The following POLR2H variants were observed in gnomAD, a reference collection of about 807,000 sequenced individuals.
The protein encoded by POLR2H is RNA polymerase II, I and III subunit H.
POLR2H carries 3 observed loss-of-function variants against 18.1 expected under a neutral mutation model. The observed-to-expected ratio is 0.17, with a 90% CI of 0.08 to 0.43. The LOEUF (loss-of-function observed/expected upper bound fraction) is 0.43, where lower values mean the gene tolerates loss of function less well. Ranked by LOEUF, POLR2H falls within the 20% of genes least tolerant of loss-of-function variation. The pLI is 0.99. For missense variants in POLR2H, 103 were observed against 184.6 expected (o/e 0.56, Z 2.56); for synonymous variants, 76 against 69.0 (o/e 1.10, Z -0.50).
At chr3:184,367,533 C>A (rs1215278747) in intron 5 of POLR2H, among the ~76,000 whole-genome samples, 1 of 151,382 alleles carries the variant, frequency 6.6e-6, no homozygotes, top group African/African-American at 2.4e-5. Context: ...GTTGCCCAGC[C>A]TGGAGTGCAG....
intron 2 of POLR2H, among the ~76,000 whole-genome samples, chr3:184,364,060 A>G (rs554819197): frequency 7.5e-4 from 114 of 152,296 alleles, no homozygotes; most frequent in African/African-American, 2.7e-3. Context: ...CAAAAAAATG[A>G]CAGTCCTCAT....
In POLR2H at chr3:184,363,144, C is replaced by T. The variant is rs1342922398; in HGVS notation, c.-349C>T. The T allele has an allele frequency of 5.6e-6, 2 of 359,284 alleles. No homozygotes were observed. The highest frequency in any genetic ancestry group is 2.2e-5 in the African/African-American group (1 of 46,222). The allele number at this position is 359,284 out of a possible 1,614,324, so 22.3% of individuals were successfully genotyped here. ...CCCACGCATTCCAGTCTTCGGAACC[C>T]GGCCTCTGAAGAGGGCGCAGTAGGG... On this transcript the variant is annotated 5_prime_UTR_variant, in exon 2 of 6. Coordinates refer to ENST00000456318, the MANE Select transcript of POLR2H (RefSeq NM_006232.5).
chr3:184,365,514 A>G, intron 4 of POLR2H: 1 of 385,822 alleles, frequency 2.6e-6, no homozygotes, highest in African/African-American at 2.1e-5. Flanking sequence ...GAAGAGAGAA[A>G]AAAAAAAAAG....
Position 184,363,424 on chromosome 3 carries a change from A to G in POLR2H, c.-69A>G. ...GGTTCTCTCCGGTCTTGTCCACGCT[A>G]GGGGGTGCACGTACTCCCAACTGTG... On this transcript the variant is annotated 5_prime_UTR_variant, in exon 2 of 6. It removes the in-frame stop codon of an upstream open reading frame in the 5' UTR. Transcript: ENST00000456318. 4 of 1,297,438 alleles carry G rather than the reference A, an allele frequency of 3.1e-6. No homozygotes were observed. The highest frequency in any genetic ancestry group is 3.3e-6 in the Non-Finnish European group (3 of 896,790). The allele number at this position is 1,297,438 out of a possible 1,614,324, so 80.4% of individuals were successfully genotyped here. A position where few individuals can be genotyped will look rare whatever the true frequency, so the allele number is the denominator to read the frequency against.
At chr3:184,366,589 T>G (rs565300687) in intron 4 of POLR2H, 128 bp from the exon 5 acceptor site, 1 of 576,622 alleles carries the variant, frequency 1.7e-6, no homozygotes, top group African/African-American at 1.9e-5. Context: ...CTGCCCGCCT[T>G]GGCCTCCCAA....
chr3:184,367,748 C>T (rs1399145742), intron 5 of POLR2H, among the ~76,000 whole-genome samples: 1 of 152,110 alleles, frequency 6.6e-6, no homozygotes, highest in African/African-American at 2.4e-5. Flanking sequence ...CCTCAGCCTC[C>T]CAAAGTGCTG....
chr3:184,364,203 T>G (rs1436539771), intron 2 of POLR2H, among the ~76,000 whole-genome samples: 4 of 152,176 alleles, frequency 2.6e-5, no homozygotes, highest in African/African-American at 9.7e-5. Flanking sequence ...TGTGAAGTCT[T>G]CTTTGAGTTA....
chr3:184,367,092 TTGTGTGTG>T (rs10575340), intron 5 of POLR2H, among the ~76,000 whole-genome samples: 52,401 of 147,852 alleles, frequency 0.35, 9,981 homozygotes, highest in African/African-American at 0.5. Context: ...CTGTTAGGCT[TTGTGTGTG>T]TGTGTGTGTG....
Position 184,363,370 on chromosome 3 carries a change from T to C in POLR2H, c.-123T>C. On this transcript the variant is annotated 5_prime_UTR_variant, in exon 2 of 6. Coordinates refer to ENST00000456318, the MANE Select transcript of POLR2H (RefSeq NM_006232.5). ...TTTGTGCGCATGCGCCACTCTCGTC[T>C]GGCCGCCGCGCTTTCAGGAGGTGCT... The C allele has an allele frequency of 1.3e-6, 1 of 797,830 alleles. No individual in the cohort carries two copies. Among genetic ancestry groups the C allele is most frequent in the East Asian group, 2.6e-5 (1 of 38,648 alleles). 49.4% of individuals were successfully genotyped at this position (797,830 alleles called of 1,614,324 possible).
chr3:184,364,652 A>G (rs1238378779), intron 2 of POLR2H: 1 of 402,102 alleles, frequency 2.5e-6, no homozygotes, highest in East Asian at 4.6e-5. Flanking sequence ...CCCTCAGCAC[A>G]GTGCCTAGCA....
chr3:184,367,464 G>A (rs1178235308), intron 5 of POLR2H, among the ~76,000 whole-genome samples: 2 of 151,332 alleles, frequency 1.3e-5, no homozygotes, highest in East Asian at 1.9e-4. Flanking sequence ...CCCCATGTTA[G>A]TGTAAAGCTT....
chr3:184,366,552 A>G lies in POLR2H; in HGVS notation c.252-165A>G, dbSNP rs1713325547. ...ATGGGGTTTCACTGTGTTAGCCAGG[A>G]TGGTCTCGATCTCCTGACCTCGTGA... is the stretch of plus-strand genomic sequence containing the variant. On this transcript the variant is annotated intron_variant, in intron 4 of 5. Coordinates refer to ENST00000456318, the MANE Select transcript of POLR2H (RefSeq NM_006232.5). 4 of 481,360 alleles carry G rather than the reference A, an allele frequency of 8.3e-6. No homozygotes were observed. In the Admixed American group the frequency reaches 1.0e-4, roughly 12 times the overall value. 29.8% of individuals were successfully genotyped at this position (481,360 alleles called of 1,614,324 possible).
rs1712482190 is a variant in POLR2H at position 184,362,964 on chromosome 3, G to GGGGCCCA, written c.-529_-528insGGGCCCA. Reference sequence around the variant, plus strand: ...GCCCAGGCCGGCCCCGGGGTCCTCGGTGCCGGCTGGAGGGGCTGGGCACCT... The same window carrying GGGGCCCA: ...GCCCAGGCCGGCCCCGGGGTCCTCGGGGGCCCATGCCGGCTGGAGGGGCTGGGCACCT... On this transcript the variant is annotated 5_prime_UTR_variant, in exon 2 of 6. It adds an upstream start codon to the 5' untranslated region. Coordinates refer to ENST00000456318, the MANE Select transcript of POLR2H (RefSeq NM_006232.5). This position sits in a 1 kb window ranked among gnomAD's most constrained non-coding sequence, Gnocchi z 5.9. The GGGGCCCA allele has an allele frequency of 5.8e-6, 1 of 171,238 alleles. No homozygotes were observed. Among genetic ancestry groups the GGGGCCCA allele is most frequent in the African/African-American group, 2.4e-5 (1 of 41,480 alleles). The allele number at this position is 171,238 out of a possible 1,614,324, so 10.6% of individuals were successfully genotyped here. A position where few individuals can be genotyped will look rare whatever the true frequency, so the allele number is the denominator to read the frequency against.
Position 184,368,300 on chromosome 3 carries a change from G to A in POLR2H, c.*6G>A, listed in dbSNP as rs767223144. The A allele has an allele frequency of 7.6e-6, 12 of 1,573,742 alleles. No homozygotes were observed. The highest frequency in any genetic ancestry group is 3.6e-5 in the Admixed American group (2 of 55,778). ...TGAAGAAGCTAGCCTTCTGAACCTC[G>A]CCTGAAGCCAGCCTCTCTGCCAAGT... On this transcript the variant is annotated 3_prime_UTR_variant, in exon 6 of 6. Transcript: ENST00000456318.
At chr3:184,367,290 T>C (rs927619852) in intron 5 of POLR2H, among the ~76,000 whole-genome samples, 4 of 151,976 alleles carry the variant, frequency 2.6e-5, no homozygotes, top group Non-Finnish European at 5.9e-5. Flanking sequence ...TGCAGAAGAG[T>C]AATGTGAAGA....
chr3:184,366,752 T>C lies in POLR2H; in HGVS notation c.287T>C (p.Val96Ala). The C allele has an allele frequency of 6.2e-7, 1 of 1,607,910 alleles. No individual in the cohort carries two copies. Among genetic ancestry groups the C allele is most frequent in the Non-Finnish European group, 8.5e-7 (1 of 1,174,314 alleles). Reference protein sequence around the residue: ...DQFEYVMYGKVYRIEGDETST... With the variant: ...DQFEYVMYGKAYRIEGDETST... The stretch of plus-strand genomic sequence containing the variant: ...TTTGAGTATGTAATGTATGGAAAAG[T>C]GTACAGGATTGAGGGAGATGAAACT... The change falls in exon 5 of 6, where the codon GTG (valine) becomes GCG (alanine). Residue 96 changes from valine to alanine, a missense_variant. Coordinates refer to ENST00000456318, the MANE Select transcript of POLR2H (RefSeq NM_006232.5).
chr3:184,366,203 T>G (rs957998416), intron 4 of POLR2H, among the ~76,000 whole-genome samples: 2 of 152,052 alleles, frequency 1.3e-5, no homozygotes, highest in Non-Finnish European at 2.9e-5. Flanking sequence ...GTAACCTTAA[T>G]CTCCTTCAGC....
Position 184,365,512 on chromosome 3 carries a change from A to G in POLR2H, c.251+286A>G, listed in dbSNP as rs1304427349. On this transcript the variant is annotated intron_variant, in intron 4 of 5. Transcript: ENST00000456318. ...CTCACTGCTACAAAAAAGAAGAGAG[A>G]AAAAAAAAAAAGGCTGGGCATGGTG... The G allele has an allele frequency of 7.4e-5, 15 of 204,028 alleles. No homozygotes were observed. In the East Asian group the frequency reaches 1.2e-3, roughly 16 times the overall value. The allele number at this position is 204,028 out of a possible 1,614,324, so 12.6% of individuals were successfully genotyped here. A position where few individuals can be genotyped will look rare whatever the true frequency, so the allele number is the denominator to read the frequency against.
intron 2 of POLR2H, among the ~76,000 whole-genome samples, chr3:184,364,171 G>A (rs956113856): frequency 6.6e-6 from 1 of 152,116 alleles, no homozygotes; most frequent in African/African-American, 2.4e-5. Flanking sequence ...TTCTTGTATT[G>A]CCCTCAGAAT....
Sources: allele counts gnomAD v4.1 joint callset (sites outside exome capture counted in the v4.1 genomes callset), GRCh38; gene constraint gnomAD v4.1.1; non-coding constraint Gnocchi (gnomAD v3.1); transcripts MANE v1.5; gene names NCBI Gene and HGNC (gene_info 2026-07-23, HGNC 2026-07-21).